ADGRF5: variants seen among roughly 807,000 people sequenced by gnomAD.
ADGRF5 encodes the protein adhesion G protein-coupled receptor F5, also known as G-protein coupled receptor 116.
Under a neutral mutation model 132.3 loss-of-function variants are expected in ADGRF5, and 75 were observed. The observed-to-expected ratio is 0.57, with a 90% CI of 0.47 to 0.69. The LOEUF (loss-of-function observed/expected upper bound fraction) is 0.69, where lower values mean the gene tolerates loss of function less well. Among genes scored for constraint, ADGRF5 ranks in the 30% least tolerant of loss-of-function variants. The probability of loss-of-function intolerance (pLI) is 0.00; values close to 1 mark genes in which losing one functional copy is unlikely to be tolerated. For missense variants in ADGRF5, 1,516 were observed against 1,630.6 expected, an observed-to-expected ratio of 0.93 and a Z score of 1.21; for synonymous variants, 629 against 597.6, an observed-to-expected ratio of 1.05 and a Z score of -0.77.
At chr6:46,954,090 C>G (rs996119925) in intron 1 of ADGRF5, among the ~76,000 whole-genome samples, 1 of 152,142 alleles carries the variant, frequency 6.6e-6, no homozygotes, top group Middle Eastern at 3.4e-3. Flanking sequence ...AGCACCATCC[C>G]TGCAGACAAC....
chr6:46,912,512 GC>G (rs113490308), intron 1 of ADGRF5, among the ~76,000 whole-genome samples: 63 of 152,234 alleles, frequency 4.1e-4, no homozygotes, highest in Middle Eastern at 3.4e-3. Context: ...GGTGAGGTGA[GC>G]AGAGGCCAGG....
In ADGRF5 at chr6:46,888,171, A is replaced by C; in HGVS notation, c.328+164T>G. ...CTCTGGCTGCAGAGTTTACTGATAG[A>C]GGCTTCATTCAGGAAGGCTGTGAAG... is the stretch of plus-strand genomic sequence containing the variant. On this transcript the variant is annotated intron_variant, in intron 4 of 20. Coordinates refer to ENST00000283296, the MANE Select transcript of ADGRF5 (RefSeq NM_001098518.2). The C allele has an allele frequency of 8.6e-6, 5 of 584,200 alleles. No homozygotes were observed. In the South Asian group the frequency reaches 1.1e-4, roughly 13 times the overall value. 36.2% of individuals were successfully genotyped at this position (584,200 alleles called of 1,614,324 possible).
chr6:46,932,338 A>G (rs1339340481), intron 1 of ADGRF5, among the ~76,000 whole-genome samples: 1 of 152,236 alleles, frequency 6.6e-6, no homozygotes, highest in African/African-American at 2.4e-5. Context: ...AAAGGAACAT[A>G]GTAGGTATTC....
In ADGRF5 at chr6:46,865,060, T is replaced by C. The variant is rs374607126; in HGVS notation, c.1972A>G (p.Lys658Glu). The C allele has an allele frequency of 1.2e-6, 2 of 1,607,310 alleles. No individual in the cohort carries two copies. Among genetic ancestry groups the C allele is most frequent in the Non-Finnish European group, 1.7e-6 (2 of 1,176,080 alleles). The change falls in exon 14 of 21, where the codon AAG (lysine) becomes GAG (glutamate). Residue 658 changes from lysine to glutamate, a missense_variant. Around this residue, in one of 2 missense-constraint regions of ADGRF5, gnomAD observed 945 missense variants for 929.4 expected, o/e 1.02. Coordinates refer to ENST00000283296, the MANE Select transcript of ADGRF5 (RefSeq NM_001098518.2). ...ANNSVWSPSM[K>E]LNLVPGENIT... Reference sequence around the variant, plus strand: ...TTCTTACCAGGAACCAGATTCAGCTTCATAGATGGGCTCCAGACTGAATTA... The same window carrying C: ...TTCTTACCAGGAACCAGATTCAGCTCCATAGATGGGCTCCAGACTGAATTA...
At chr6:46,895,467 C>T (rs957876686) in intron 3 of ADGRF5, among the ~76,000 whole-genome samples, 9 of 151,374 alleles carry the variant, frequency 5.9e-5, no homozygotes, top group African/African-American at 1.5e-4. Flanking sequence ...GGGAAGTGCA[C>T]GGCATTTCCT....
intron 11 of ADGRF5, among the ~76,000 whole-genome samples, chr6:46,869,667 G>T (rs1007157223): frequency 6.6e-6 from 1 of 152,162 alleles, no homozygotes; most frequent in Non-Finnish European, 1.5e-5. Context: ...ATAAGTGAAA[G>T]AGTGAATTCT....
chr6:46,855,847 C>G, intron 20 of ADGRF5, 127 bp downstream of exon 20: 1 of 668,690 alleles, frequency 1.5e-6, no homozygotes, highest in East Asian at 2.9e-5. Flanking sequence ...TCTATTTAAC[C>G]TCTACCCCAA....
chr6:46,922,865 C>T (rs1437631739), upstream of ADGRF5, among the ~76,000 whole-genome samples: 9 of 152,214 alleles, frequency 5.9e-5, no homozygotes, highest in Admixed American at 5.9e-4. Context: ...ACTGTAGGAA[C>T]TGATGCTTTA....
intron 17 of ADGRF5, among the ~76,000 whole-genome samples, chr6:46,857,517 A>G (rs1769195752): frequency 6.6e-6 from 1 of 152,068 alleles, no homozygotes; most frequent in Non-Finnish European, 1.5e-5. Flanking sequence ...TGCTATCTAT[A>G]CCTCTGTTAT....
chr6:46,864,930 CA>C, intron 14 of ADGRF5, 111 bp downstream of exon 14: 1 of 734,708 alleles, frequency 1.4e-6, no homozygotes, highest in Non-Finnish European at 2.3e-6. Context: ...GGGCCTACCA[CA>C]GTGAGGGTAT....
intron 1 of ADGRF5, among the ~76,000 whole-genome samples, chr6:46,950,781 G>A (rs112132573): frequency 3.9e-5 from 6 of 152,294 alleles, no homozygotes; most frequent in African/African-American, 1.4e-4. Flanking sequence ...CCAAAGTGCT[G>A]GGATTACAGG....
upstream of ADGRF5, among the ~76,000 whole-genome samples, chr6:46,926,751 C>T (rs1341961111): frequency 6.6e-6 from 1 of 152,160 alleles, no homozygotes; most frequent in Admixed American, 6.5e-5. Context: ...GTCATTGACT[C>T]TTCCTCCCTC....
intron 1 of ADGRF5, among the ~76,000 whole-genome samples, chr6:46,911,208 A>G (rs1775918565): frequency 6.6e-6 from 1 of 152,228 alleles, no homozygotes; most frequent in South Asian, 2.1e-4. Flanking sequence ...AATAAAGGAA[A>G]TCACTTTCAC....
chr6:46,862,726 T>TTTTTTTTTTTTTTTTTTA (rs1769921739), intron 15 of ADGRF5, among the ~76,000 whole-genome samples, 162 bp downstream of exon 15: 1 of 144,876 alleles, frequency 6.9e-6, no homozygotes, highest in Non-Finnish European at 1.5e-5. Flanking sequence ...TTTTTTTTTT[T>TTTTTTTTTTTTTTTTTTA]TTTGCATTTC....
chr6:46,908,449 C>T (rs1434104820), intron 1 of ADGRF5, among the ~76,000 whole-genome samples: 1 of 152,092 alleles, frequency 6.6e-6, no homozygotes, highest in Non-Finnish European at 1.5e-5. Flanking sequence ...GGAGACGAGA[C>T]TTAGTAACTG....
At chr6:46,939,275 G>A (rs1482327509) in intron 1 of ADGRF5, among the ~76,000 whole-genome samples, 1 of 152,130 alleles carries the variant, frequency 6.6e-6, no homozygotes, top group Non-Finnish European at 1.5e-5. Flanking sequence ...AACATGGTTC[G>A]TTGAGTGGCC....
intron 1 of ADGRF5, among the ~76,000 whole-genome samples, chr6:46,932,934 G>C (rs1284860517): frequency 1.3e-5 from 2 of 152,158 alleles, no homozygotes; most frequent in Non-Finnish European, 2.9e-5. Flanking sequence ...TCTGAAAAAA[G>C]ACTGGCCGAC....
intron 1 of ADGRF5, among the ~76,000 whole-genome samples, chr6:46,935,365 C>G (rs1190209503): frequency 6.6e-6 from 1 of 152,144 alleles, no homozygotes; most frequent in Non-Finnish European, 1.5e-5. Context: ...ACGAACAATG[C>G]ACCACCTTGT....
Position 46,909,514 on chromosome 6 carries a change from C to G in ADGRF5, c.-24-2728G>C, listed in dbSNP as rs148416123. ...CAGGGAGAGGAAAATAAAGCACAGC[C>G]TGACATCATATGCCAGGAATAAGTC... On this transcript the variant is annotated intron_variant, in intron 1 of 20. Transcript: ENST00000283296. Among the ~76,000 whole-genome samples, 12 of 152,304 alleles carry G rather than the reference C, an allele frequency of 7.9e-5. No individual in the cohort carries two copies. The East Asian group carries it at 2.3e-3, about 29-fold the overall frequency.
Sources: gnomAD v4.1 joint callset for allele counts (sites outside exome capture counted in the v4.1 genomes callset) on GRCh38, gnomAD v4.1.1 for gene constraint, gnomAD v4.1.1 regional missense constraint, MANE v1.5 for transcripts, NCBI Gene and HGNC (gene_info 2026-07-23, HGNC 2026-07-21) for gene names.